The following TBCEL variants were observed in gnomAD, a reference collection of about 807,000 sequenced individuals.
TBCEL encodes tubulin folding cofactor E like, also known as tubulin-specific chaperone cofactor E-like protein.
Under a neutral mutation model 44.2 loss-of-function variants are expected in TBCEL, and 15 were observed. The ratio of observed to expected loss-of-function variants is 0.34; its 90% CI spans 0.23 to 0.52. The LOEUF (loss-of-function observed/expected upper bound fraction) is 0.52. Ranked by LOEUF, TBCEL falls within the 20% of genes least tolerant of loss-of-function variation. The probability of loss-of-function intolerance (pLI) is 0.95; values close to 1 mark genes in which losing one functional copy is unlikely to be tolerated. For synonymous variants in TBCEL, 171 were observed against 185.4 expected (o/e 0.92, Z 0.63); for missense variants, 319 against 506.3 (o/e 0.63, Z 3.55).
chr11:121,056,225 A>G (rs1200498594), intron 6 of TBCEL, among the ~76,000 whole-genome samples: 2 of 151,854 alleles, frequency 1.3e-5, no homozygotes, highest in Non-Finnish European at 2.9e-5. Context: ...AGTTGGAATC[A>G]TACAGTATGT....
chr11:121,040,937 A>G (rs952266284), intron 2 of TBCEL, among the ~76,000 whole-genome samples: 23 of 152,262 alleles, frequency 1.5e-4, no homozygotes, highest in African/African-American at 5.3e-4. Context: ...TTCCGGAGAT[A>G]GTCTATGCAT....
Position 121,047,588 on chromosome 11 carries a change from A to T in TBCEL, c.194A>T (p.Asp65Val), listed in dbSNP as rs948665035. The change falls in exon 4 of 9, where the codon GAT becomes GTT. Residue 65 changes from aspartate (D) to valine (V), a missense_variant. Coordinates refer to ENST00000683345, the MANE Select transcript of TBCEL (RefSeq NM_001363644.2). ...LNSCGITCAG[D>V]EKEIAAFCAH... The stretch of plus-strand genomic sequence containing the variant: ...AGCTGTGGAATAACCTGTGCAGGAG[A>T]TGAAAAAGAAATTGCTGCTTTCTGC... 1 of 1,612,818 alleles carries T rather than the reference A, an allele frequency of 6.2e-7. No homozygotes were observed.
At chr11:121,058,941 T>C (rs1041778590) in intron 7 of TBCEL, among the ~76,000 whole-genome samples, 3 of 151,936 alleles carry the variant, frequency 2.0e-5, no homozygotes, top group Non-Finnish European at 4.4e-5. Flanking sequence ...ACAATTATTA[T>C]CTTCTGTCTG....
At chr11:121,025,931 T>C (rs1049566665) in intron 1 of TBCEL, among the ~76,000 whole-genome samples, 2 of 152,164 alleles carry the variant, frequency 1.3e-5, no homozygotes, top group African/African-American at 2.4e-5. Context: ...CTTTATCCTT[T>C]GCTGTGTCTG....
At chr11:121,036,839 G>A (rs1029940819) in intron 2 of TBCEL, among the ~76,000 whole-genome samples, 1 of 152,182 alleles carries the variant, frequency 6.6e-6, no homozygotes, top group African/African-American at 2.4e-5. Flanking sequence ...ATGCAACGTA[G>A]TTCTTTAGTA....
Position 121,053,414 on chromosome 11 carries a change from C to T in TBCEL, c.274-137C>T, listed in dbSNP as rs1945564105. Reference sequence around the variant, plus strand: ...AATCACTTATGTCCCTCTGTGAGTACCGTCACTAAATAATAGGACTCCTTG... The same window carrying T: ...AATCACTTATGTCCCTCTGTGAGTATCGTCACTAAATAATAGGACTCCTTG... On this transcript the variant is annotated intron_variant, in intron 4 of 8. Transcript: ENST00000683345. The T allele has an allele frequency of 1.6e-5, 11 of 705,296 alleles. No homozygotes were observed. In the South Asian group the frequency reaches 1.9e-4, roughly 12 times the overall value. 43.7% of individuals were successfully genotyped at this position (705,296 alleles called of 1,614,324 possible). A position where few individuals can be genotyped will look rare whatever the true frequency, so the allele number is the denominator to read the frequency against.
chr11:121,087,429 G>A lies in TBCEL; in HGVS notation c.*333G>A. The stretch of plus-strand genomic sequence containing the variant: ...GTTATCATTACTGTTGGGTGAACCT[G>A]TGAAGATAACATGAACACTGTAGCC... On this transcript the variant is annotated 3_prime_UTR_variant, in exon 9 of 9. Transcript: ENST00000683345. 6.8e-6 allele frequency: 2 copies of A among 294,806 alleles called. No homozygotes were observed. Among genetic ancestry groups the A allele is most frequent in the South Asian group, 4.2e-5 (1 of 23,908 alleles). 18.3% of individuals were successfully genotyped at this position (294,806 alleles called of 1,614,324 possible). A position where few individuals can be genotyped will look rare whatever the true frequency, so the allele number is the denominator to read the frequency against.
chr11:121,077,408 T>C (rs919708966), intron 8 of TBCEL, among the ~76,000 whole-genome samples: 1 of 152,116 alleles, frequency 6.6e-6, no homozygotes, highest in Non-Finnish European at 1.5e-5. Flanking sequence ...GCTTGTTGAA[T>C]TTATGGGCAT....
intron 1 of TBCEL, 170 bp from the exon 2 acceptor site, chr11:121,036,335 G>A (rs1053673495): frequency 5.3e-5 from 8 of 152,292 alleles, no homozygotes; most frequent in African/African-American, 1.9e-4. Context: ...ATGTAAATTT[G>A]TTTGTAAAGG....
chr11:121,086,129 G>C (rs1374147561), intron 8 of TBCEL, among the ~76,000 whole-genome samples: 1 of 152,062 alleles, frequency 6.6e-6, no homozygotes. Context: ...TCTCATCTCT[G>C]TAATTCACTT....
intron 1 of TBCEL, among the ~76,000 whole-genome samples, chr11:121,032,059 A>G (rs1945155596): frequency 1.3e-5 from 2 of 152,200 alleles, no homozygotes; most frequent in South Asian, 2.1e-4. Context: ...TTTTCCTATT[A>G]GAAGAAATAA....
chr11:121,057,045 A>G (rs1251138407), intron 6 of TBCEL, among the ~76,000 whole-genome samples: 1 of 151,884 alleles, frequency 6.6e-6, no homozygotes, highest in African/African-American at 2.4e-5. Flanking sequence ...TTTACCATAG[A>G]GGTTTTAAAA....
intron 4 of TBCEL, among the ~76,000 whole-genome samples, chr11:121,049,855 T>C (rs1296916467): frequency 6.6e-6 from 1 of 151,758 alleles, no homozygotes; most frequent in Admixed American, 6.6e-5. Flanking sequence ...CATTTTTCCC[T>C]GCTTAGACAA....
chr11:121,054,755 A>G (rs1259878028), intron 5 of TBCEL: 1 of 227,862 alleles, frequency 4.4e-6, no homozygotes, highest in Non-Finnish European at 8.5e-6. Context: ...TTTCATTCTT[A>G]TGTGAATGGC....
chr11:121,061,399 A>G (rs1454241545), intron 8 of TBCEL, among the ~76,000 whole-genome samples: 2 of 152,022 alleles, frequency 1.3e-5, no homozygotes, highest in African/African-American at 4.8e-5. Flanking sequence ...ACATATATAT[A>G]TATACATGTA....
chr11:121,081,567 T>A (rs1280200681), intron 8 of TBCEL, among the ~76,000 whole-genome samples: 4 of 152,222 alleles, frequency 2.6e-5, no homozygotes, highest in African/African-American at 4.8e-5. Flanking sequence ...AGGAAGACAT[T>A]GGAACTAATG....
chr11:121,063,700 C>T (rs893798356), intron 8 of TBCEL, among the ~76,000 whole-genome samples: 1 of 152,140 alleles, frequency 6.6e-6, no homozygotes, highest in Non-Finnish European at 1.5e-5. Flanking sequence ...TTGGTATTTA[C>T]GACTTCCCTC....
rs927090123 is a variant in TBCEL, at chr11:121,027,031, A to G, written c.-126+2740A>G. Among the ~76,000 whole-genome samples, 5 of 152,210 alleles carry G rather than the reference A, an allele frequency of 3.3e-5. No homozygotes were observed. In the South Asian group the frequency reaches 8.3e-4, roughly 25 times the overall value. Reference sequence around the variant, plus strand: ...CTATGGTTTTGAAAATCAGATATTTATATTTGTTATATAATACTTTTTTTT... The same window carrying G: ...CTATGGTTTTGAAAATCAGATATTTGTATTTGTTATATAATACTTTTTTTT... On this transcript the variant is annotated intron_variant, in intron 1 of 8. Coordinates refer to ENST00000683345, the MANE Select transcript of TBCEL (RefSeq NM_001363644.2).
At position 121,087,105 on chromosome 11, in the gene TBCEL, A is replaced by G. The variant is rs768655080; in HGVS notation, c.*9A>G. 2 of 1,605,420 alleles carry G rather than the reference A, an allele frequency of 1.2e-6. No homozygotes were observed. The highest frequency in any genetic ancestry group is 1.7e-6 in the Non-Finnish European group (2 of 1,176,660). ...AATCCAAAACAAAATAACCTCTACC[A>G]GCCTTGTGAAAAACATACACATAAG... On this transcript the variant is annotated 3_prime_UTR_variant, in exon 9 of 9. Coordinates refer to ENST00000683345, the MANE Select transcript of TBCEL (RefSeq NM_001363644.2).
Sources: gnomAD v4.1 joint callset for allele counts (sites outside exome capture counted in the v4.1 genomes callset) on GRCh38, gnomAD v4.1.1 for gene constraint, MANE v1.5 for transcripts, NCBI Gene and HGNC (gene_info 2026-07-23, HGNC 2026-07-21) for gene names.